Variants in FRMD3 observed in about 807,000 individuals in gnomAD.
FRMD3 encodes the protein FERM domain-containing protein 3.
In FRMD3, 33 loss-of-function variants were observed where a neutral mutation model predicts 70.2. That is an observed-to-expected ratio of 0.47 (90% CI 0.36 to 0.63). The LOEUF is 0.63. Among genes scored for constraint, FRMD3 ranks in the 20% least tolerant of loss-of-function variants. FRMD3 has a pLI of 0.00. For synonymous variants in FRMD3, 279 were observed against 255.9 expected (o/e 1.09, Z -0.86); for missense variants, 632 against 711.4 (o/e 0.89, Z 1.27).
chr9:83,329,924 T>C (rs1443588224), intron 6 of FRMD3, among the ~76,000 whole-genome samples: 1 of 152,206 alleles, frequency 6.6e-6, no homozygotes, highest in Non-Finnish European at 1.5e-5. Flanking sequence ...CAGCAAAGTC[T>C]ATCAGGGTTC....
intron 1 of FRMD3, among the ~76,000 whole-genome samples, chr9:83,407,837 GTCTCTCTCTCTC>G (rs761983764): frequency 1.9e-5 from 2 of 103,600 alleles, no homozygotes; most frequent in Non-Finnish European, 1.9e-5. Flanking sequence ...GGGTTGTTGA[GTCTCTCTCTCTC>G]TCTCTCTCTC....
intron 1 of FRMD3, among the ~76,000 whole-genome samples, chr9:83,514,523 G>A (rs779407542): frequency 3.9e-5 from 6 of 152,186 alleles, no homozygotes; most frequent in Non-Finnish European, 8.8e-5. Flanking sequence ...GGAAGGGGTG[G>A]TTGTGGGCGC....
chr9:83,267,045 T>A (rs1163252520), intron 13 of FRMD3: 1 of 1,550,970 alleles, frequency 6.4e-7, no homozygotes, highest in Non-Finnish European at 8.7e-7. Context: ...GAGCCGAGTC[T>A]CAGCAGACGA....
chr9:83,257,416 G>T (rs555292177), intron 13 of FRMD3, among the ~76,000 whole-genome samples: 15 of 152,162 alleles, frequency 9.9e-5, no homozygotes, highest in Admixed American at 7.9e-4. Context: ...TGGATGCTGA[G>T]CCCTAGGTGA....
intron 1 of FRMD3, among the ~76,000 whole-genome samples, chr9:83,446,464 G>A (rs956809373): frequency 3.3e-5 from 5 of 151,956 alleles, no homozygotes; most frequent in South Asian, 2.1e-4. Context: ...TGGCTAACAC[G>A]GTGAAACCCC....
intron 13 of FRMD3, among the ~76,000 whole-genome samples, chr9:83,265,182 C>T (rs1255472966): frequency 1.3e-5 from 2 of 151,996 alleles, no homozygotes; most frequent in African/African-American, 2.4e-5. Flanking sequence ...GGGCGGATCA[C>T]GAGGTCAGGA....
chr9:83,283,546 A>AAATAATAAT (rs141284669), intron 13 of FRMD3, among the ~76,000 whole-genome samples: 1 of 25,904 alleles, frequency 3.9e-5, no homozygotes, highest in African/African-American at 5.7e-5. Context: ...AAAAAAAAAA[A>AAATAATAAT]AATAATAATA....
chr9:83,339,011 T>C (rs979002744), intron 5 of FRMD3, among the ~76,000 whole-genome samples: 1 of 152,140 alleles, frequency 6.6e-6, no homozygotes, highest in Non-Finnish European at 1.5e-5. Context: ...GATGGGACAA[T>C]GGACCACCAA....
the FRMD3 span, among the ~76,000 whole-genome samples, chr9:83,546,890 C>CAAAAAAAAAAAAAAAAAA: frequency 3.1e-5 from 2 of 64,142 alleles, no homozygotes; most frequent in African/African-American, 5.7e-5. Flanking sequence ...GACTCTGTCT[C>CAAAAAAAAAAAAAAAAAA]AAAAAAAAAA....
intron 2 of FRMD3, 69 bp downstream of exon 2, chr9:83,389,535 G>T: frequency 1.0e-6 from 1 of 995,262 alleles, no homozygotes; most frequent in Non-Finnish European, 1.6e-6. Flanking sequence ...GCTTTGAGAG[G>T]AACCCCCACA....
chr9:83,344,798 G>T (rs556573508), intron 4 of FRMD3, among the ~76,000 whole-genome samples: 45 of 147,298 alleles, frequency 3.1e-4, no homozygotes, highest in African/African-American at 1.1e-3. Flanking sequence ...TGTATGAAAG[G>T]GTGTGTGTGC....
At chr9:83,478,556 T>C (rs948379733) in intron 1 of FRMD3, among the ~76,000 whole-genome samples, 1 of 152,078 alleles carries the variant, frequency 6.6e-6, no homozygotes, top group Non-Finnish European at 1.5e-5. Context: ...GATGGGAATG[T>C]AAAATGGTGC....
intron 1 of FRMD3, among the ~76,000 whole-genome samples, chr9:83,400,041 G>A (rs1165727125): frequency 6.6e-6 from 1 of 151,974 alleles, no homozygotes; most frequent in East Asian, 1.9e-4. Context: ...GAGGAGAAGA[G>A]AGAAAAGAAA....
chr9:83,244,970 ATGTG>A lies in FRMD3; in HGVS notation c.*2944_*2947del. ...TTGTGTGTGTATATGTATTTGCCAT[ATGTG>A]TGTGTGTATTATATATATTTATTTA... On this transcript the variant is annotated 3_prime_UTR_variant, in exon 14 of 14. Coordinates refer to ENST00000304195, the MANE Select transcript of FRMD3 (RefSeq NM_174938.6). 25 of 980,128 alleles carry A rather than the reference ATGTG, an allele frequency of 2.6e-5. No individual in the cohort carries two copies. The highest frequency in any genetic ancestry group is 1.1e-4 in the East Asian group (1 of 8,774). The allele number at this position is 980,128 out of a possible 1,614,324, so 60.7% of individuals were successfully genotyped here.
chr9:83,530,160 A>T (rs1829765332), intron 1 of FRMD3, among the ~76,000 whole-genome samples: 1 of 152,252 alleles, frequency 6.6e-6, no homozygotes. Context: ...GAAATGAAAC[A>T]TGTCTAGAGA....
chr9:83,567,611 T>A, the FRMD3 span, among the ~76,000 whole-genome samples: 1 of 152,208 alleles, frequency 6.6e-6, no homozygotes, highest in African/African-American at 2.4e-5. Context: ...GAATGCTTTG[T>A]TGCTTAGAAA....
chr9:83,301,679 G>A (rs773228443), intron 10 of FRMD3, among the ~76,000 whole-genome samples: 1 of 152,230 alleles, frequency 6.6e-6, no homozygotes, highest in Non-Finnish European at 1.5e-5. Flanking sequence ...TCACTAGTTT[G>A]GCCTTAGCTC....
intron 4 of FRMD3, among the ~76,000 whole-genome samples, chr9:83,344,824 A>AGTGTGTGTGTGT (rs35538787): frequency 0.03 from 4,252 of 144,018 alleles, 92 homozygotes; most frequent in African/African-American, 0.05. Flanking sequence ...TGCATGTGTG[A>AGTGTGTGTGTGT]GTGTGTGTGT....
At chr9:83,296,365 C>T (rs1408107) in intron 12 of FRMD3, among the ~76,000 whole-genome samples, 18,960 of 152,144 alleles carry the variant, frequency 0.12, 1,374 homozygotes, top group East Asian at 0.19. Flanking sequence ...ATGACAGGTG[C>T]TGCTGTCATC....
Sources: gnomAD v4.1 joint callset for allele counts (sites outside exome capture counted in the v4.1 genomes callset) on GRCh38, gnomAD v4.1.1 for gene constraint, MANE v1.5 for transcripts, NCBI Gene and HGNC (gene_info 2026-07-23, HGNC 2026-07-21) for gene names.